OSBPL6: variants seen among roughly 807,000 people sequenced by gnomAD.
OSBPL6 encodes oxysterol-binding protein-related protein 6.
A neutral mutation model predicts 125.8 loss-of-function variants in OSBPL6; 49 were observed. The ratio of observed to expected loss-of-function variants is 0.39; its 90% CI spans 0.31 to 0.49. OSBPL6 has a LOEUF of 0.49. OSBPL6 is among the 20% of genes least tolerant of loss of function. The pLI is 0.88. For missense variants in OSBPL6, 986 were observed against 1,135.4 expected, an observed-to-expected ratio of 0.87 and a Z score of 1.89; for synonymous variants, 394 against 391.8, an observed-to-expected ratio of 1.01 and a Z score of -0.07.
At chr2:178,371,136 C>G (rs1260395858) in intron 13 of OSBPL6, among the ~76,000 whole-genome samples, 1 of 152,222 alleles carries the variant, frequency 6.6e-6, no homozygotes, top group Non-Finnish European at 1.5e-5. Flanking sequence ...TTTACATCTT[C>G]TAATCGCTGA....
chr2:178,369,952 A>G (rs1484041947), intron 13 of OSBPL6, among the ~76,000 whole-genome samples: 2 of 152,134 alleles, frequency 1.3e-5, no homozygotes, highest in South Asian at 2.1e-4. Flanking sequence ...TGAGGTTTGT[A>G]TGAAACCCTC....
chr2:178,370,189 C>T (rs1693243856), intron 13 of OSBPL6, among the ~76,000 whole-genome samples: 1 of 152,226 alleles, frequency 6.6e-6, no homozygotes, highest in African/African-American at 2.4e-5. Flanking sequence ...CACTTGAACC[C>T]AGGAGGCCGA....
intron 13 of OSBPL6, among the ~76,000 whole-genome samples, chr2:178,369,530 G>A (rs1693183101): frequency 6.6e-6 from 1 of 152,166 alleles, no homozygotes; most frequent in African/African-American, 2.4e-5. Context: ...GTAACTTGGT[G>A]AAGACTACTT....
In OSBPL6 at chr2:178,342,183, C is replaced by A. The variant is rs114099850; in HGVS notation, c.987+2419C>A. Among the ~76,000 whole-genome samples the A allele has an allele frequency of 9.3e-3, 1,415 of 152,262 alleles. 15 individuals carry two copies. The highest frequency in any genetic ancestry group is 0.02 in the Middle Eastern group (6 of 294). ...CTGATGTTGCAGCCAATATGAGAGG[C>A]TCTCAAGCAGTGAGAGCTCATTTTC... is the stretch of plus-strand genomic sequence containing the variant. On this transcript the variant is annotated intron_variant, in intron 11 of 24. Transcript: ENST00000190611.
chr2:178,319,304 A>G (rs1419012953), intron 3 of OSBPL6, among the ~76,000 whole-genome samples: 1 of 152,222 alleles, frequency 6.6e-6, no homozygotes, highest in African/African-American at 2.4e-5. Flanking sequence ...TATCCCTAAG[A>G]TTGTACCATA....
intron 1 of OSBPL6, among the ~76,000 whole-genome samples, chr2:178,262,968 C>A (rs1279482104): frequency 6.6e-6 from 1 of 152,150 alleles, no homozygotes. Flanking sequence ...ACTCAACAGA[C>A]TCTTCTGATA....
At chr2:178,247,430 G>T (rs866333486) in intron 1 of OSBPL6, among the ~76,000 whole-genome samples, 1 of 152,010 alleles carries the variant, frequency 6.6e-6, no homozygotes, top group Non-Finnish European at 1.5e-5. Context: ...GCAGCTGTTT[G>T]GTTTCGTTCT....
At chr2:178,281,990 G>A (rs764601237) in intron 1 of OSBPL6, among the ~76,000 whole-genome samples, 1 of 152,128 alleles carries the variant, frequency 6.6e-6, no homozygotes, top group Admixed American at 6.6e-5. Context: ...ATTAAGGTCC[G>A]GTCCCTGCTT....
chr2:178,290,220 C>T (rs929195117), intron 2 of OSBPL6, among the ~76,000 whole-genome samples: 2 of 152,010 alleles, frequency 1.3e-5, no homozygotes, highest in Non-Finnish European at 2.9e-5. Context: ...ATTTGGTGGC[C>T]CTGAAATACA....
intron 12 of OSBPL6, among the ~76,000 whole-genome samples, chr2:178,350,634 C>T (rs922141826): frequency 1.3e-5 from 2 of 152,226 alleles, no homozygotes; most frequent in African/African-American, 4.8e-5. Context: ...GGCCAGCTCT[C>T]TCTTACCTGC....
At chr2:178,343,182 T>C (rs941409022) in intron 11 of OSBPL6, among the ~76,000 whole-genome samples, 43 of 152,262 alleles carry the variant, frequency 2.8e-4, no homozygotes, top group Non-Finnish European at 5.3e-4. Context: ...CAGTTTGGGC[T>C]GTTAGGAGAT....
intron 1 of OSBPL6, among the ~76,000 whole-genome samples, chr2:178,197,779 A>T (rs2088992660): frequency 6.6e-6 from 1 of 151,342 alleles, no homozygotes; most frequent in African/African-American, 2.4e-5. Context: ...ATATTGTATT[A>T]AAAAAAAAGA....
At chr2:178,363,413 C>T (rs149320398) in intron 13 of OSBPL6, among the ~76,000 whole-genome samples, 1 of 152,272 alleles carries the variant, frequency 6.6e-6, no homozygotes, top group East Asian at 1.9e-4. Context: ...GTTAAAGTAG[C>T]CCTGGCCATG....
At chr2:178,381,327 T>C (rs1371875152) in intron 15 of OSBPL6, among the ~76,000 whole-genome samples, 1 of 152,204 alleles carries the variant, frequency 6.6e-6, no homozygotes, top group Non-Finnish European at 1.5e-5. Flanking sequence ...TCTCTCCCCA[T>C]TGTCACAGAG....
chr2:178,393,913 C>T (rs1292458130), intron 23 of OSBPL6, among the ~76,000 whole-genome samples: 5 of 152,284 alleles, frequency 3.3e-5, no homozygotes, highest in East Asian at 3.9e-4. Flanking sequence ...CATTCTATGG[C>T]CTTTTAGCAA....
chr2:178,242,740 T>C (rs1574603372), intron 1 of OSBPL6, among the ~76,000 whole-genome samples: 1 of 152,158 alleles, frequency 6.6e-6, no homozygotes, highest in Non-Finnish European at 1.5e-5. Context: ...ATACTACCAG[T>C]TGGCCAAAAT....
At chr2:178,321,880 A>AT (rs1356847837) in intron 3 of OSBPL6, among the ~76,000 whole-genome samples, 6 of 152,156 alleles carry the variant, frequency 3.9e-5, no homozygotes, top group Admixed American at 3.3e-4. Flanking sequence ...TGAACTTCTT[A>AT]TTTTTCTTCC....
intron 1 of OSBPL6, among the ~76,000 whole-genome samples, chr2:178,238,046 G>T (rs1244983883): frequency 1.3e-5 from 2 of 152,168 alleles, no homozygotes; most frequent in Non-Finnish European, 2.9e-5. Context: ...TTGATTGTCT[G>T]CAACTTTTAA....
chr2:178,227,786 T>C (rs536587856), intron 1 of OSBPL6, among the ~76,000 whole-genome samples: 1 of 152,300 alleles, frequency 6.6e-6, no homozygotes, highest in East Asian at 1.9e-4. Context: ...GATAGTATAT[T>C]AAAAAGGAAA....
Sources: allele counts gnomAD v4.1 joint callset (sites outside exome capture counted in the v4.1 genomes callset), GRCh38; gene constraint gnomAD v4.1.1; transcripts MANE v1.5; gene names NCBI Gene and HGNC (gene_info 2026-07-23, HGNC 2026-07-21).